The following ASAH2 variants were observed in gnomAD, a reference collection of about 807,000 sequenced individuals.
The protein encoded by ASAH2 is neutral ceramidase.
Under a neutral mutation model 82.9 loss-of-function variants are expected in ASAH2, and 58 were observed. The ratio of observed to expected loss-of-function variants is 0.70; its 90% confidence interval spans 0.57 to 0.87. The LOEUF (loss-of-function observed/expected upper bound fraction) is 0.87. Among genes scored for constraint, ASAH2 ranks in the 40% least tolerant of loss-of-function variants. ASAH2 has a pLI of 0.00. For missense variants in ASAH2, 779 were observed against 834.0 expected (o/e 0.93, Z 0.81); for synonymous variants, 276 against 289.7 (o/e 0.95, Z 0.48).
intron 7 of ASAH2, among the ~76,000 whole-genome samples, chr10:50,224,455 G>T (rs921671794): frequency 2.0e-5 from 3 of 151,918 alleles, no homozygotes; most frequent in Non-Finnish European, 4.4e-5. Context: ...TTCAACATTC[G>T]CAACACATGT....
At chr10:50,212,946 T>C in intron 10 of ASAH2, 26 bp downstream of exon 10, 1 of 1,599,750 alleles carries the variant, frequency 6.3e-7, no homozygotes, top group Non-Finnish European at 8.6e-7. Context: ...TAAACAAAGA[T>C]TAAAGGAGCG....
intron 1 of ASAH2, among the ~76,000 whole-genome samples, 28 bp downstream of exon 1, chr10:50,251,367 T>C (rs1846608719): frequency 6.6e-6 from 1 of 152,194 alleles, no homozygotes; most frequent in South Asian, 2.1e-4. Context: ...CCTTCCCTCC[T>C]TCCCCAAGAA....
At position 50,235,927 on chromosome 10, in the gene ASAH2, G is replaced by T; in HGVS notation, c.648C>A (p.Ser216Arg). 1.2e-6 allele frequency: 2 copies of T among 1,613,328 alleles called. No homozygotes were observed. The highest frequency in any genetic ancestry group is 1.7e-6 in the Non-Finnish European group (2 of 1,179,446). The change falls in exon 5 of 21, where the codon AGC (serine) becomes AGA (arginine). Residue 216 changes from serine to arginine, a missense_variant. By Grantham distance (110) the Ser-to-Arg change is moderately radical. Coordinates refer to ENST00000682911, the MANE Select transcript of ASAH2 (RefSeq NM_019893.4). Reference protein sequence around the residue: ...TVFVIASEGFSNQTFQHMVTG... With the variant: ...TVFVIASEGFRNQTFQHMVTG... ...TGACCATGTGCTGAAAAGTTTGATT[G>T]CTAAATCCTTCACTGGCAATTACAA... is the stretch of plus-strand genomic sequence containing the variant.
intron 5 of ASAH2, among the ~76,000 whole-genome samples, chr10:50,235,193 GTT>G (rs1846126103): frequency 6.6e-6 from 1 of 152,034 alleles, no homozygotes; most frequent in African/African-American, 2.4e-5. Flanking sequence ...GAAAGCCTCA[GTT>G]TGCAAAACAT....
chr10:50,201,095 G>A (rs1845137115), intron 16 of ASAH2, among the ~76,000 whole-genome samples: 1 of 152,016 alleles, frequency 6.6e-6, no homozygotes, highest in Non-Finnish European at 1.5e-5. Flanking sequence ...GAGTTCGGCT[G>A]TGGATGGTTG....
intron 16 of ASAH2, among the ~76,000 whole-genome samples, chr10:50,200,867 C>CTTA (rs1174305522): frequency 6.6e-6 from 1 of 152,104 alleles, no homozygotes; most frequent in East Asian, 1.9e-4. Flanking sequence ...AGGCCCCACC[C>CTTA]TTAAGCCTGG....
chr10:50,227,067 A>G (rs1246760068), intron 7 of ASAH2, among the ~76,000 whole-genome samples: 1 of 152,192 alleles, frequency 6.6e-6, no homozygotes, highest in Non-Finnish European at 1.5e-5. Flanking sequence ...GATACAGAAA[A>G]GTTCAGATAT....
At chr10:50,231,783 A>T (rs1846027799) in intron 7 of ASAH2, among the ~76,000 whole-genome samples, 1 of 152,184 alleles carries the variant, frequency 6.6e-6, no homozygotes, top group Non-Finnish European at 1.5e-5. Flanking sequence ...AGAGGAACTC[A>T]AATGCTAAGA....
rs868803905 is a variant in ASAH2 at position 50,187,125 on chromosome 10, C to T, written c.*190G>A. On this transcript the variant is annotated 3_prime_UTR_variant, in exon 21 of 21. Coordinates refer to ENST00000682911, the MANE Select transcript of ASAH2 (RefSeq NM_019893.4). ...TCTCTCTCTCTCTCTCTCTCACACA[C>T]ACACACACACACACACACACACACA... The T allele has an allele frequency of 8.1e-3, 341 of 41,874 alleles. 3 individuals carry two copies. Among genetic ancestry groups the T allele is most frequent in the African/African-American group, 0.026 (266 of 10,396 alleles). 2.6% of individuals were successfully genotyped at this position (41,874 alleles called of 1,614,324 possible). A position where few individuals can be genotyped will look rare whatever the true frequency, so the allele number is the denominator to read the frequency against.
Position 50,209,299 on chromosome 10 carries a change from G to A in ASAH2, c.1414+1524C>T, listed in dbSNP as rs1489785566. 2.6e-5 allele frequency among the ~76,000 whole-genome samples: 4 copies of A among 152,186 alleles called. No homozygotes were observed. The East Asian group carries it at 7.7e-4, about 29-fold the overall frequency. Reference sequence around the variant, plus strand: ...TTTAGACTTCATAAAAATTAAGAATGTTTGTGCTTCAAATGATACAATCAA... The same window carrying A: ...TTTAGACTTCATAAAAATTAAGAATATTTGTGCTTCAAATGATACAATCAA... On this transcript the variant is annotated intron_variant, in intron 12 of 20. Coordinates refer to ENST00000682911, the MANE Select transcript of ASAH2 (RefSeq NM_019893.4).
At chr10:50,203,077 G>A (rs1338660435) in intron 15 of ASAH2, among the ~76,000 whole-genome samples, 153 bp from the exon 16 acceptor site, 1 of 151,990 alleles carries the variant, frequency 6.6e-6, no homozygotes, top group East Asian at 1.9e-4. Context: ...AGTTGGACAA[G>A]TCAATGGATC....
In ASAH2 at chr10:50,235,878, C is replaced by G; in HGVS notation, c.687+10G>C. ...GTAAAGAACAGCTGCCTCTGGGGCT[C>G]TTTGCCTACCTTCAAGATACCAGTG... On this transcript the variant is annotated intron_variant, in intron 5 of 20. Transcript: ENST00000682911. 6.2e-7 allele frequency: 1 copy of G among 1,613,044 alleles called. No homozygotes were observed. Among genetic ancestry groups the G allele is most frequent in the Non-Finnish European group, 8.5e-7 (1 of 1,179,206 alleles).
At chr10:50,205,063 AT>A in intron 13 of ASAH2, 108 bp from the exon 14 acceptor site, 1 of 725,542 alleles carries the variant, frequency 1.4e-6, no homozygotes, top group Non-Finnish European at 2.2e-6. Context: ...ATGATGTAGT[AT>A]TAAATATTCT....
intron 16 of ASAH2, 55 bp downstream of exon 16, chr10:50,202,774 C>T (rs1845187331): frequency 3.3e-6 from 4 of 1,196,166 alleles, no homozygotes; most frequent in Non-Finnish European, 5.0e-6. Flanking sequence ...GCATTTGACA[C>T]AATAGTCTTT....
intron 16 of ASAH2, among the ~76,000 whole-genome samples, chr10:50,200,470 T>C (rs1845111920): frequency 6.6e-6 from 1 of 152,036 alleles, no homozygotes; most frequent in Non-Finnish European, 1.5e-5. Context: ...GATACATTCT[T>C]ACTCTTTATT....
In ASAH2 at chr10:50,202,848, G is replaced by A. The variant is rs1845190128; in HGVS notation, c.1742C>T (p.Thr581Ile). The A allele has an allele frequency of 1.2e-6, 2 of 1,608,966 alleles. No homozygotes were observed. The highest frequency in any genetic ancestry group is 1.7e-6 in the Non-Finnish European group (2 of 1,175,810). Residue 581 changes from threonine to isoleucine, a missense_variant, in exon 16 of 21, where the codon ACC (threonine) becomes ATC (isoleucine). Coordinates refer to ENST00000682911, the MANE Select transcript of ASAH2 (RefSeq NM_019893.4). ...GLCNVYTHYI[T>I]TYEEYQAQRY... ...CTTTACCTGGTATTCTTCATAAGTGGTAATGTAATGTGTATAGACGTTGCA... is the reference window on the plus strand; with the variant it reads ...CTTTACCTGGTATTCTTCATAAGTGATAATGTAATGTGTATAGACGTTGCA...
chr10:50,233,098 G>T, intron 7 of ASAH2, 86 bp downstream of exon 7: 1 of 1,024,812 alleles, frequency 9.8e-7, no homozygotes, highest in Non-Finnish European at 1.6e-6. Flanking sequence ...CTCAGTGTGT[G>T]CTGGTACTAT....
At chr10:50,233,069 C>T in intron 7 of ASAH2, 115 bp downstream of exon 7, 1 of 903,154 alleles carries the variant, frequency 1.1e-6, no homozygotes, top group Non-Finnish European at 1.9e-6. Context: ...AACCTGGACT[C>T]TTAACCACAC....
At chr10:50,198,868 T>C (rs1453952678) in intron 17 of ASAH2, among the ~76,000 whole-genome samples, 183 bp downstream of exon 17, 6 of 152,064 alleles carry the variant, frequency 3.9e-5, no homozygotes, top group African/African-American at 9.7e-5. Context: ...TTTATTTTCT[T>C]AGAGATACCA....
Sources: allele counts gnomAD v4.1 joint callset (sites outside exome capture counted in the v4.1 genomes callset), GRCh38; gene constraint gnomAD v4.1.1; transcripts MANE v1.5; gene names NCBI Gene and HGNC (gene_info 2026-07-23, HGNC 2026-07-21).